DNM3: variants seen among roughly 807,000 people sequenced by gnomAD.
The protein encoded by DNM3 is dynamin 3, also known as dynamin-3.
A neutral mutation model predicts 101.6 loss-of-function variants in DNM3; 47 were observed. The observed-to-expected ratio is 0.46, with a 90% CI of 0.37 to 0.59. The LOEUF (loss-of-function observed/expected upper bound fraction) is 0.59. DNM3 is among the 20% of genes least tolerant of loss of function. The pLI, the probability that DNM3 is intolerant of heterozygous loss-of-function variation, is 0.00. For synonymous variants in DNM3, 385 were observed against 387.9 expected, an observed-to-expected ratio of 0.99 and a Z score of 0.09; for missense variants, 849 against 1,085.7, an observed-to-expected ratio of 0.78 and a Z score of 3.06.
intron 2 of DNM3, among the ~76,000 whole-genome samples, chr1:171,926,444 A>T (rs2040579446): frequency 6.6e-6 from 1 of 152,200 alleles, no homozygotes; most frequent in Non-Finnish European, 1.5e-5. Flanking sequence ...GTGGATATCC[A>T]CTAGTCCCAG....
chr1:172,244,317 A>G (rs968498896), intron 14 of DNM3, among the ~76,000 whole-genome samples: 1 of 152,164 alleles, frequency 6.6e-6, no homozygotes, highest in Non-Finnish European at 1.5e-5. Flanking sequence ...ATAATGCCGC[A>G]ATAAACATAC....
chr1:171,876,763 G>A (rs2035824591), intron 1 of DNM3, among the ~76,000 whole-genome samples: 1 of 152,142 alleles, frequency 6.6e-6, no homozygotes, highest in South Asian at 2.1e-4. Context: ...ACTGTGTTTG[G>A]GGATGAAAGG....
At chr1:172,157,909 A>G (rs2058400982) in intron 14 of DNM3, among the ~76,000 whole-genome samples, 2 of 151,996 alleles carry the variant, frequency 1.3e-5, no homozygotes, top group African/African-American at 2.4e-5. Context: ...CAGTAAATTC[A>G]CTTAATGTAT....
At chr1:171,921,974 T>C (rs567834317) in intron 2 of DNM3, among the ~76,000 whole-genome samples, 153 bp downstream of exon 2, 2 of 152,318 alleles carry the variant, frequency 1.3e-5, no homozygotes, top group South Asian at 4.1e-4. Context: ...CCTTCTTCAT[T>C]GCTCTTTTCA....
intron 13 of DNM3, among the ~76,000 whole-genome samples, chr1:172,127,698 G>A (rs916805108): frequency 3.3e-5 from 5 of 151,924 alleles, no homozygotes; most frequent in Non-Finnish European, 4.4e-5. Flanking sequence ...TGTCAGCACC[G>A]TGCTCGGCCC....
At chr1:172,213,751 G>A (rs140186940) in intron 14 of DNM3, among the ~76,000 whole-genome samples, 280 of 151,478 alleles carry the variant, frequency 1.8e-3, no homozygotes, top group African/African-American at 6.3e-3. Context: ...TAGCTTGAAC[G>A]TGGGAGGTAG....
rs1402478115 is a variant in DNM3, at chr1:172,131,191, G to A, written c.1562G>A (p.Trp521Ter). 2 of 1,613,326 alleles carry A rather than the reference G, an allele frequency of 1.2e-6. No individual in the cohort carries two copies. The change falls in exon 14 of 21, where the codon TGG becomes TAG. Residue 521 changes from tryptophan to a stop codon, truncating the protein, a stop_gained. Coordinates refer to ENST00000627582, the MANE Select transcript of DNM3 (RefSeq NM_015569.5). LOFTEE classifies it high-confidence loss of function. ...TTTTCGTAGGTGATTCGCAAGGGGT[G>A]GCTCACCATCAGCAACATTGGCATC... is the stretch of plus-strand genomic sequence containing the variant. ...TVGNQVIRKGWLTISNIGIMK... is the reference protein window; with the variant it reads ...TVGNQVIRKG
At chr1:172,211,006 G>T (rs1248009707) in intron 14 of DNM3, among the ~76,000 whole-genome samples, 1 of 152,094 alleles carries the variant, frequency 6.6e-6, no homozygotes, top group Non-Finnish European at 1.5e-5. Flanking sequence ...AGAAATTTAT[G>T]ATTGCTATTG....
intron 14 of DNM3, among the ~76,000 whole-genome samples, chr1:172,193,332 G>T (rs2059811170): frequency 6.6e-6 from 1 of 151,986 alleles, no homozygotes; most frequent in African/African-American, 2.4e-5. Context: ...TTATTTTGTT[G>T]TGTCCCTGCC....
At chr1:172,226,954 G>T (rs1389796616) in intron 14 of DNM3, among the ~76,000 whole-genome samples, 1 of 151,094 alleles carries the variant, frequency 6.6e-6, no homozygotes, top group South Asian at 2.1e-4. Context: ...AGTGTTTTTT[G>T]GTCACATGGA....
intron 2 of DNM3, among the ~76,000 whole-genome samples, chr1:171,981,757 C>G (rs1457561197): frequency 6.6e-6 from 1 of 151,910 alleles, no homozygotes; most frequent in African/African-American, 2.4e-5. Context: ...ATTGTAAAAA[C>G]AGAAAATAAT....
chr1:171,869,795 T>C (rs974448979), intron 1 of DNM3, among the ~76,000 whole-genome samples: 1 of 152,250 alleles, frequency 6.6e-6, no homozygotes, highest in Non-Finnish European at 1.5e-5. Context: ...AGGACAGAAA[T>C]TGAATCCTGA....
chr1:171,851,775 A>ATTGT lies in DNM3; in HGVS notation c.161+9958_161+9959insTTGT, dbSNP rs2033003424. On this transcript the variant is annotated intron_variant, in intron 1 of 20. Transcript: ENST00000627582. ...TAGTGGGCCATGATATCAGTTTAGTAGATGGTGTGTGACAGTGTTAAGCGA... is the reference window on the plus strand; with the variant it reads ...TAGTGGGCCATGATATCAGTTTAGTATTGTGATGGTGTGTGACAGTGTTAAGCGA... Among the ~76,000 whole-genome samples the ATTGT allele has an allele frequency of 5.3e-5, 8 of 152,358 alleles. No individual in the cohort carries two copies. The South Asian group carries it at 1.7e-3, about 32-fold the overall frequency.
chr1:172,058,243 A>G (rs2050817618), intron 10 of DNM3, among the ~76,000 whole-genome samples: 1 of 151,910 alleles, frequency 6.6e-6, no homozygotes, highest in African/African-American at 2.4e-5. Flanking sequence ...CACGTTAATA[A>G]TGGGAGACTT....
chr1:172,317,515 G>C (rs924211049), intron 16 of DNM3, among the ~76,000 whole-genome samples: 1 of 152,084 alleles, frequency 6.6e-6, no homozygotes, highest in Admixed American at 6.5e-5. Context: ...GAAAAAAAGA[G>C]AGAAGAATCA....
intron 14 of DNM3, among the ~76,000 whole-genome samples, chr1:172,251,855 T>C (rs796772952): frequency 9.2e-5 from 14 of 152,268 alleles, no homozygotes; most frequent in African/African-American, 3.1e-4. Flanking sequence ...TCCCTGGGTC[T>C]CAAGCATTTT....
rs2071086541 is a variant in DNM3 at position 172,409,368 on chromosome 1, T to C, written c.*1527T>C. ...ACACCCAGAGCAGATACTCATAAAG[T>C]ATAAAGTAAAAACTTTTAACCATTA... On this transcript the variant is annotated 3_prime_UTR_variant, in exon 21 of 21. Coordinates refer to ENST00000627582, the MANE Select transcript of DNM3 (RefSeq NM_015569.5). 2 of 985,068 alleles carry C rather than the reference T, an allele frequency of 2.0e-6. No homozygotes were observed. The highest frequency in any genetic ancestry group is 2.4e-6 in the Non-Finnish European group (2 of 829,724). The allele number at this position is 985,068 out of a possible 1,614,324, so 61.0% of individuals were successfully genotyped here.
intron 13 of DNM3, among the ~76,000 whole-genome samples, chr1:172,109,995 T>C (rs1266831439): frequency 6.6e-6 from 1 of 152,274 alleles, no homozygotes; most frequent in Non-Finnish European, 1.5e-5. Flanking sequence ...TAATGTGTTG[T>C]TCTTTGTTTT....
chr1:172,131,095 T>A (rs2056912839), intron 13 of DNM3, 80 bp from the exon 14 acceptor site: 4 of 1,208,670 alleles, frequency 3.3e-6, no homozygotes, highest in Non-Finnish European at 4.8e-6. Flanking sequence ...ATCTTGTTTT[T>A]AACTTCTTAG....
Sources: gnomAD v4.1 joint callset for allele counts (sites outside exome capture counted in the v4.1 genomes callset) on GRCh38, gnomAD v4.1.1 for gene constraint, MANE v1.5 for transcripts, NCBI Gene and HGNC (gene_info 2026-07-23, HGNC 2026-07-21) for gene names.